SF3B2: variants seen among roughly 807,000 people sequenced by gnomAD.
SF3B2 encodes SAP 145.
Under a neutral mutation model 116.3 loss-of-function variants are expected in SF3B2, and 22 were observed. That is an observed-to-expected ratio of 0.19 (90% CI 0.14 to 0.27). The LOEUF (loss-of-function observed/expected upper bound fraction) is 0.27. Ranked by LOEUF, SF3B2 falls within the 10% of genes least tolerant of loss-of-function variation. SF3B2 has a pLI of 1.00. For synonymous variants in SF3B2, 406 were observed against 421.6 expected, an observed-to-expected ratio of 0.96 and a Z score of 0.45; for missense variants, 767 against 1,151.4, an observed-to-expected ratio of 0.67 and a Z score of 4.83.
At chr11:66,065,767 A>G (rs1590718029) in intron 19 of SF3B2, 1 of 152,332 alleles carries the variant, frequency 6.6e-6, no homozygotes, top group Middle Eastern at 3.4e-3. Flanking sequence ...CCCATACAAT[A>G]TAATTCTCCT....
At chr11:66,062,053 T>C (rs757603176) in intron 16 of SF3B2, 55 bp downstream of exon 16, 39 of 1,316,110 alleles carry the variant, frequency 3.0e-5, no homozygotes, top group Non-Finnish European at 4.2e-5. Context: ...AACTGGAAGG[T>C]AATTTGTTTG....
At chr11:66,058,678 C>G (rs1477556732) in intron 9 of SF3B2, 152 bp from the exon 10 acceptor site, 4 of 692,578 alleles carry the variant, frequency 5.8e-6, no homozygotes, top group African/African-American at 1.8e-5. Context: ...AGTCTGACTC[C>G]AAGGCCCCTT....
At position 66,052,611 on chromosome 11, in the gene SF3B2, G is replaced by T. The variant is rs1856900576; in HGVS notation, c.134-62G>T. The T allele has an allele frequency of 3.1e-5, 49 of 1,589,494 alleles. No individual in the cohort carries two copies. The South Asian group carries it at 5.3e-4, about 17-fold the overall frequency. On this transcript the variant is annotated intron_variant, in intron 1 of 21. Transcript: ENST00000322535. ...ACTCGGGTGCGAGGGGCGGAGGCAGGCCGCTGGGGCCTGACCTGGCCGGGC... is the reference window on the plus strand; with the variant it reads ...ACTCGGGTGCGAGGGGCGGAGGCAGTCCGCTGGGGCCTGACCTGGCCGGGC...
intron 1 of SF3B2, 65 bp downstream of exon 1, chr11:66,052,582 G>A: frequency 6.3e-7 from 1 of 1,592,412 alleles, no homozygotes; most frequent in African/African-American, 1.4e-5. Flanking sequence ...TGGTTACCCG[G>A]GAGACTCGGG....
In SF3B2 at chr11:66,059,227, A is replaced by G. The variant is rs200450983; in HGVS notation, c.1209A>G (p.Lys403=). The G allele has an allele frequency of 3.3e-5, 54 of 1,614,094 alleles. No homozygotes were observed. The East Asian group carries it at 1.0e-3, about 31-fold the overall frequency. ...TCACTGATGATGTGAAGAAGGAGAA[A>G]GAGAAGGAGCCAGAGAAACTTGACA... ...FKLTDDVKKE[K]EKEPEKLDKL... is the part of the protein sequence containing the mutation. Residue 403 remains lysine (K), a synonymous_variant, in exon 11 of 22, where the codon AAA becomes AAG. Transcript: ENST00000322535. The surrounding 1 kb of genome is among the most constrained non-coding windows in gnomAD (Gnocchi z 5.0).
intron 14 of SF3B2, 48 bp from the exon 15 acceptor site, chr11:66,061,638 C>A (rs1452997602): frequency 7.2e-7 from 1 of 1,383,118 alleles, no homozygotes; most frequent in South Asian, 1.2e-5. Flanking sequence ...ATTGTGCTCC[C>A]ACTGAGTGTC....
At chr11:66,053,158 C>A in intron 3 of SF3B2, 54 bp downstream of exon 3, 1 of 1,521,152 alleles carries the variant, frequency 6.6e-7, no homozygotes, top group South Asian at 1.1e-5. Flanking sequence ...TTTTGTAGTT[C>A]ATGAGCATGA....
intron 19 of SF3B2, 177 bp from the exon 20 acceptor site, chr11:66,067,769 T>G (rs184291374): frequency 2.0e-5 from 12 of 598,602 alleles, no homozygotes; most frequent in Middle Eastern, 4.5e-4. Context: ...GTCAGCACTG[T>G]GCCACCCCCC....
intron 1 of SF3B2, 27 bp from the exon 2 acceptor site, chr11:66,052,646 C>CCATT (rs1218296851): frequency 6.3e-7 from 1 of 1,597,286 alleles, no homozygotes; most frequent in African/African-American, 1.3e-5. Flanking sequence ...CTGGCCTGCC[C>CCATT]CATTGATCGT....
At position 66,059,184 on chromosome 11, in the gene SF3B2, C is replaced by T; in HGVS notation, c.1183-17C>T. The T allele has an allele frequency of 1.2e-6, 2 of 1,614,002 alleles. No individual in the cohort carries two copies. Among genetic ancestry groups the T allele is most frequent in the South Asian group, 1.1e-5 (1 of 91,064 alleles). Reference sequence around the variant, plus strand: ...GGGGCTCAGAGGGCAGGGGTTTCACCTTGTCTGCCTCCTTAGCTCACTGAT... The same window carrying T: ...GGGGCTCAGAGGGCAGGGGTTTCACTTTGTCTGCCTCCTTAGCTCACTGAT... On this transcript the variant is annotated splice_polypyrimidine_tract_variant and intron_variant, in intron 10 of 21. Coordinates refer to ENST00000322535, the MANE Select transcript of SF3B2 (RefSeq NM_006842.3). This position sits in a 1 kb window ranked among gnomAD's most constrained non-coding sequence, Gnocchi z 5.0.
chr11:66,057,173 C>T, intron 6 of SF3B2, 93 bp from the exon 7 acceptor site: 2 of 932,030 alleles, frequency 2.1e-6, no homozygotes, highest in Non-Finnish European at 3.6e-6. Context: ...TCCTCCCCTG[C>T]AGGTTTACCA....
intron 17 of SF3B2, 62 bp from the exon 18 acceptor site, chr11:66,063,338 C>T: frequency 2.0e-6 from 3 of 1,512,956 alleles, no homozygotes; most frequent in Non-Finnish European, 2.7e-6. Context: ...CAGCTTAAAA[C>T]AGCCTGGCAC....
intron 6 of SF3B2, 143 bp from the exon 7 acceptor site, chr11:66,057,123 C>G: frequency 2.4e-6 from 2 of 849,264 alleles, no homozygotes; most frequent in Non-Finnish European, 4.1e-6. Context: ...GACCATGATC[C>G]AAAACATTAC....
At chr11:66,054,932 C>A in intron 3 of SF3B2, 144 bp from the exon 4 acceptor site, 1 of 730,210 alleles carries the variant, frequency 1.4e-6, no homozygotes, top group Non-Finnish European at 2.2e-6. Context: ...CTTTATAGAG[C>A]TGTGGAGCAT....
chr11:66,053,237 G>GAA, intron 3 of SF3B2, 133 bp downstream of exon 3: 1 of 801,360 alleles, frequency 1.2e-6, no homozygotes, highest in Non-Finnish European at 2.1e-6. Context: ...CCTGAGTGGG[G>GAA]AAAAAAAAAG....
intron 21 of SF3B2, 55 bp from the exon 22 acceptor site, chr11:66,068,619 G>C: frequency 6.7e-7 from 1 of 1,499,408 alleles, no homozygotes; most frequent in South Asian, 1.1e-5. Flanking sequence ...CCTTGTTTTG[G>C]GGGTCCGGGG....
chr11:66,060,033 C>A, intron 13 of SF3B2, 24 bp downstream of exon 13: 3 of 1,605,788 alleles, frequency 1.9e-6, no homozygotes, highest in Non-Finnish European at 1.7e-6. Context: ...AGGGCTCAGA[C>A]CTGCCCCCGG....
chr11:66,054,689 A>G (rs1856961464), intron 3 of SF3B2, among the ~76,000 whole-genome samples: 3 of 152,118 alleles, frequency 2.0e-5, no homozygotes. Flanking sequence ...TGTTTATGTA[A>G]GTCCTCTCAA....
Position 66,069,192 on chromosome 11 carries a change from G to T in SF3B2, c.*447G>T, listed in dbSNP as rs1026349686. On this transcript the variant is annotated 3_prime_UTR_variant, in exon 22 of 22. Transcript: ENST00000322535. ...TTAGCGCCCTAGCGCGGCAGAGGAA[G>T]TAACAGTGGGCTTGGGAAGTAGGCC... 1 of 357,286 alleles carries T rather than the reference G, an allele frequency of 2.8e-6. No individual in the cohort carries two copies. The highest frequency in any genetic ancestry group is 5.6e-6 in the Non-Finnish European group (1 of 178,038). 22.1% of individuals were successfully genotyped at this position (357,286 alleles called of 1,614,324 possible). A position where few individuals can be genotyped will look rare whatever the true frequency, so the allele number is the denominator to read the frequency against.
Sources: allele counts gnomAD v4.1 joint callset (sites outside exome capture counted in the v4.1 genomes callset), GRCh38; gene constraint gnomAD v4.1.1; non-coding constraint Gnocchi (gnomAD v3.1); transcripts MANE v1.5; gene names NCBI Gene and HGNC (gene_info 2026-07-23, HGNC 2026-07-21).